CNOT4: variants seen among roughly 807,000 people sequenced by gnomAD.
CNOT4 encodes the protein CCR4-associated factor 4.
In CNOT4, 8 loss-of-function variants were observed where a neutral mutation model predicts 73.8. The observed-to-expected ratio is 0.11, with a 90% CI of 0.06 to 0.20. The LOEUF (loss-of-function observed/expected upper bound fraction) is 0.20. CNOT4 is among the 10% of genes least tolerant of loss of function. CNOT4 has a pLI of 1.00. For missense variants in CNOT4, 564 were observed against 883.4 expected, an observed-to-expected ratio of 0.64 and a Z score of 4.58; for synonymous variants, 293 against 321.1, an observed-to-expected ratio of 0.91 and a Z score of 0.94.
intron 5 of CNOT4, 99 bp from the exon 6 acceptor site, chr7:135,413,712 G>A (rs1797700983): frequency 2.5e-6 from 3 of 1,183,434 alleles, no homozygotes; most frequent in African/African-American, 1.6e-5. Context: ...CCTAAAATGA[G>A]GCACAAACAT....
intron 10 of CNOT4, chr7:135,387,118 A>G: frequency 1.0e-6 from 1 of 982,204 alleles, no homozygotes; most frequent in Non-Finnish European, 1.2e-6. Flanking sequence ...CCATAATTAA[A>G]TTAAGCTATA....
chr7:135,506,803 G>T (rs1425005834), intron 1 of CNOT4, among the ~76,000 whole-genome samples: 2 of 150,810 alleles, frequency 1.3e-5, no homozygotes, highest in Admixed American at 1.3e-4. Flanking sequence ...AGCCAAGATC[G>T]CACCACTGCA....
chr7:135,501,394 T>C (rs1803956709), intron 1 of CNOT4, among the ~76,000 whole-genome samples: 1 of 152,188 alleles, frequency 6.6e-6, no homozygotes, highest in Admixed American at 6.5e-5. Context: ...ATAGACCACA[T>C]TTCCTCAGTT....
At chr7:135,445,172 GCTT>G (rs1438189755) in intron 1 of CNOT4, among the ~76,000 whole-genome samples, 1 of 152,166 alleles carries the variant, frequency 6.6e-6, no homozygotes, top group Admixed American at 6.5e-5. Flanking sequence ...TTGCCTCCCA[GCTT>G]CTTATAAGAC....
intron 5 of CNOT4, 119 bp downstream of exon 5, chr7:135,414,212 G>T (rs1289608023): frequency 1.8e-6 from 1 of 552,120 alleles, no homozygotes; most frequent in Admixed American, 3.2e-5. Flanking sequence ...TGGACCCTAA[G>T]ACAGACTCTT....
chr7:135,478,508 G>T (rs1802142103), intron 1 of CNOT4, among the ~76,000 whole-genome samples: 1 of 152,112 alleles, frequency 6.6e-6, no homozygotes, highest in South Asian at 2.1e-4. Context: ...TTCAAGACCG[G>T]CCTGGGCAAC....
intron 1 of CNOT4, among the ~76,000 whole-genome samples, chr7:135,441,360 C>A (rs138213590): frequency 6.8e-6 from 1 of 148,128 alleles, no homozygotes; most frequent in Non-Finnish European, 1.5e-5. Flanking sequence ...AAAAATACAA[C>A]GAAATAGTGT....
chr7:135,379,478 G>A (rs1469978294), intron 10 of CNOT4, among the ~76,000 whole-genome samples: 1 of 152,054 alleles, frequency 6.6e-6, no homozygotes, highest in East Asian at 1.9e-4. Flanking sequence ...ATTAGTAAAT[G>A]TTAACAGTTT....
In CNOT4 at chr7:135,375,673, C is replaced by T. The variant is rs569468435; in HGVS notation, c.1628-11607G>A. ...GGCGCGGTGGCTCACGCCTGTAATCCCAGCACTTTGGGAGGCCGAGGCGGG... is the reference window on the plus strand; with the variant it reads ...GGCGCGGTGGCTCACGCCTGTAATCTCAGCACTTTGGGAGGCCGAGGCGGG... On this transcript the variant is annotated intron_variant, in intron 10 of 11. Coordinates refer to ENST00000541284, the MANE Select transcript of CNOT4 (RefSeq NM_001190850.2). Among the ~76,000 whole-genome samples, 456 of 152,232 alleles carry T rather than the reference C, an allele frequency of 3.0e-3. 1 individual carries two copies. The highest frequency in any genetic ancestry group is 7.5e-3 in the South Asian group (36 of 4,824).
At position 135,450,561 on chromosome 7, in the gene CNOT4, A is replaced by T. The variant is rs545586037; in HGVS notation, c.-92-12138T>A. On this transcript the variant is annotated intron_variant, in intron 1 of 11. Coordinates refer to ENST00000541284, the MANE Select transcript of CNOT4 (RefSeq NM_001190850.2). ...TACAGACGGGGTTTCACCATGTTGA[A>T]TAGGCTGTTCTCAAACTCCTGGCCT... Among the ~76,000 whole-genome samples, 184 of 152,166 alleles carry T rather than the reference A, an allele frequency of 1.2e-3. 1 individual carries two copies. Among genetic ancestry groups the T allele is most frequent in the African/African-American group, 4.4e-3 (181 of 41,518 alleles).
rs540450339 is a variant in CNOT4, at chr7:135,407,017, C to T, written c.821+3498G>A. Among the ~76,000 whole-genome samples the T allele has an allele frequency of 2.8e-4, 43 of 152,286 alleles. 2 individuals are homozygous for T. The South Asian group carries it at 8.3e-3, about 29-fold the overall frequency. ...GAGGCATTTGAATCATGGGGGTGGA[C>T]GTCTCATGAATGGCTTGGGCCATCC... On this transcript the variant is annotated intron_variant, in intron 7 of 11. Coordinates refer to ENST00000541284, the MANE Select transcript of CNOT4 (RefSeq NM_001190850.2).
chr7:135,509,684 CT>C, intron 1 of CNOT4: 1 of 198,108 alleles, frequency 5.0e-6, no homozygotes, highest in Admixed American at 6.0e-5. Flanking sequence ...GACCCGCTCC[CT>C]TTTCCTTATG....
intron 1 of CNOT4, among the ~76,000 whole-genome samples, chr7:135,462,226 A>G (rs1800921450): frequency 6.6e-6 from 1 of 152,124 alleles, no homozygotes; most frequent in South Asian, 2.1e-4. Context: ...CAACTTCAGC[A>G]GAGTGTGGAG....
intron 4 of CNOT4, among the ~76,000 whole-genome samples, chr7:135,414,725 TA>T (rs890805382): frequency 6.6e-6 from 1 of 152,010 alleles, no homozygotes; most frequent in Non-Finnish European, 1.5e-5. Flanking sequence ...GTCAAGGTTA[TA>T]AAAAAATTAA....
chr7:135,416,646 G>A lies in CNOT4; in HGVS notation c.373-1384C>T, dbSNP rs543574510. On this transcript the variant is annotated intron_variant, in intron 3 of 11. Transcript: ENST00000541284. ...TGGATGCATACCAACTCAGCAACCA[G>A]CGTCATAGCTAAGATACCTGCTCCA... Among the ~76,000 whole-genome samples, 88 of 152,310 alleles carry A rather than the reference G, an allele frequency of 5.8e-4. No homozygotes were observed. The South Asian group carries it at 8.1e-3, about 14-fold the overall frequency.
At chr7:135,508,900 C>A (rs1315116835) in intron 1 of CNOT4, among the ~76,000 whole-genome samples, 2 of 151,878 alleles carry the variant, frequency 1.3e-5, no homozygotes, top group African/African-American at 4.8e-5. Flanking sequence ...CCAAAGAACG[C>A]TTAGTAGCAT....
At chr7:135,419,317 T>C (rs1798046105) in intron 3 of CNOT4, among the ~76,000 whole-genome samples, 1 of 152,166 alleles carries the variant, frequency 6.6e-6, no homozygotes, top group African/African-American at 2.4e-5. Context: ...GATAAGTAAA[T>C]TACAAGGATC....
intron 1 of CNOT4, among the ~76,000 whole-genome samples, chr7:135,465,668 A>G (rs1190209275): frequency 6.6e-6 from 1 of 152,124 alleles, no homozygotes; most frequent in East Asian, 1.9e-4. Flanking sequence ...GAGGTGGAAG[A>G]CAATGGTGAT....
intron 1 of CNOT4, chr7:135,509,197 A>C (rs1804570479): frequency 1.3e-5 from 2 of 152,350 alleles, no homozygotes; most frequent in African/African-American, 4.8e-5. Context: ...ATTCTCAAGA[A>C]GGCTGAGAAA....
Sources: gnomAD v4.1 joint callset for allele counts (sites outside exome capture counted in the v4.1 genomes callset) on GRCh38, gnomAD v4.1.1 for gene constraint, MANE v1.5 for transcripts, NCBI Gene and HGNC (gene_info 2026-07-23, HGNC 2026-07-21) for gene names.